Variants in ARID1B observed in about 807,000 individuals in gnomAD.
ARID1B encodes the protein AT-rich interactive domain-containing protein 1B.
A neutral mutation model predicts 212.3 loss-of-function variants in ARID1B; 30 were observed. The observed-to-expected ratio is 0.14, with a 90% CI of 0.11 to 0.19. The LOEUF (loss-of-function observed/expected upper bound fraction) is 0.19, where lower values mean the gene tolerates loss of function less well. ARID1B is among the 10% of genes least tolerant of loss of function. The probability of loss-of-function intolerance (pLI) is 1.00; values close to 1 mark genes in which losing one functional copy is unlikely to be tolerated. For synonymous variants in ARID1B, 1,402 were observed against 1,301.7 expected (o/e 1.08, Z -1.66); for missense variants, 2,891 against 3,204.0 (o/e 0.90, Z 2.36).
At chr6:157,057,385 T>TA (rs968180062) in intron 4 of ARID1B, among the ~76,000 whole-genome samples, 5 of 152,244 alleles carry the variant, frequency 3.3e-5, no homozygotes, top group South Asian at 2.1e-4. Context: ...CTTTATCTTT[T>TA]AAAAAAATCA....
intron 2 of ARID1B, among the ~76,000 whole-genome samples, chr6:156,862,991 C>A (rs947077175): frequency 1.8e-4 from 28 of 152,158 alleles, no homozygotes; most frequent in African/African-American, 6.8e-4. Flanking sequence ...GGAATATGGG[C>A]CTGCGCCTTA....
At chr6:156,886,447 T>C (rs1176027527) in intron 2 of ARID1B, among the ~76,000 whole-genome samples, 1 of 152,182 alleles carries the variant, frequency 6.6e-6, no homozygotes, top group Non-Finnish European at 1.5e-5. Context: ...TTCCCACCCC[T>C]GCTGGCTCTC....
rs73582000 is a variant in ARID1B, at chr6:157,068,740, A to G, written c.2248-15922A>G. On this transcript the variant is annotated intron_variant, in intron 4 of 19. Coordinates refer to ENST00000636930, the MANE Select transcript of ARID1B (RefSeq NM_001374828.1). ...TTAGAGAATGCATTTAACTAGAGACATACACCCTCTCACACACGTGCGTAC... is the reference window on the plus strand; with the variant it reads ...TTAGAGAATGCATTTAACTAGAGACGTACACCCTCTCACACACGTGCGTAC... Among the ~76,000 whole-genome samples, 1,247 of 152,334 alleles carry G rather than the reference A, an allele frequency of 8.2e-3. 26 individuals carry two copies. Among genetic ancestry groups the G allele is most frequent in the African/African-American group, 0.028 (1,149 of 41,570 alleles).
chr6:156,825,887 CATTTT>C (rs773139189), intron 1 of ARID1B, among the ~76,000 whole-genome samples: 9 of 152,294 alleles, frequency 5.9e-5, no homozygotes, highest in Non-Finnish European at 1.3e-4. Flanking sequence ...AAAATAATCA[CATTTT>C]ATTTTTATCA....
At chr6:157,040,371 T>C (rs1051710100) in intron 4 of ARID1B, among the ~76,000 whole-genome samples, 1 of 152,254 alleles carries the variant, frequency 6.6e-6, no homozygotes, top group Admixed American at 6.5e-5. Context: ...TGGTAACACA[T>C]GGCACCCTCT....
chr6:157,125,197 C>A (rs185581916), intron 6 of ARID1B, among the ~76,000 whole-genome samples: 1 of 152,114 alleles, frequency 6.6e-6, no homozygotes, highest in Non-Finnish European at 1.5e-5. Context: ...ATGCAGAAGG[C>A]GGTTCAGTGC....
At chr6:157,036,686 C>G (rs1456783234) in intron 4 of ARID1B, 1 of 370,042 alleles carries the variant, frequency 2.7e-6, no homozygotes, top group Admixed American at 3.2e-5. Context: ...AAGATACTCA[C>G]AGATCTCTCT....
chr6:157,022,048 T>C (rs1237500764), intron 4 of ARID1B, among the ~76,000 whole-genome samples: 1 of 152,114 alleles, frequency 6.6e-6, no homozygotes, highest in Non-Finnish European at 1.5e-5. Flanking sequence ...TTCGCGTAAT[T>C]AAAACGAGTG....
intron 7 of ARID1B, among the ~76,000 whole-genome samples, chr6:157,145,920 T>G (rs1789692521): frequency 6.6e-6 from 1 of 152,226 alleles, no homozygotes. Context: ...GGAACTGAGC[T>G]TAGCACATAG....
At chr6:157,065,255 G>A (rs1222992422) in intron 4 of ARID1B, among the ~76,000 whole-genome samples, 3 of 152,156 alleles carry the variant, frequency 2.0e-5, no homozygotes, top group Non-Finnish European at 4.4e-5. Context: ...GCTTTCAAAT[G>A]TGATACTACT....
chr6:156,979,054 A>G (rs1777443347), intron 4 of ARID1B, among the ~76,000 whole-genome samples: 1 of 152,198 alleles, frequency 6.6e-6, no homozygotes, highest in African/African-American at 2.4e-5. Context: ...GTTTCTGTAA[A>G]GTGAAGTATC....
At chr6:157,102,069 A>G (rs1786081251) in intron 5 of ARID1B, among the ~76,000 whole-genome samples, 1 of 152,148 alleles carries the variant, frequency 6.6e-6, no homozygotes, top group South Asian at 2.1e-4. Flanking sequence ...AAAGGGGTGA[A>G]TGGTTTGTTT....
At chr6:157,137,923 A>G (rs577594462) in intron 7 of ARID1B, among the ~76,000 whole-genome samples, 3 of 152,294 alleles carry the variant, frequency 2.0e-5, no homozygotes, top group South Asian at 2.1e-4. Context: ...CACTAAAATA[A>G]ATTAGATGCC....
chr6:157,067,192 G>A (rs1256380305), intron 4 of ARID1B, among the ~76,000 whole-genome samples: 1 of 152,204 alleles, frequency 6.6e-6, no homozygotes, highest in African/African-American at 2.4e-5. Context: ...AAGAAATTGA[G>A]GTCTCAGAGC....
rs189957970 is a variant in ARID1B at position 157,058,949 on chromosome 6, T to C, written c.2248-25713T>C. On this transcript the variant is annotated intron_variant, in intron 4 of 19. Coordinates refer to ENST00000636930, the MANE Select transcript of ARID1B (RefSeq NM_001374828.1). ...AGACAGGCAGGAATGAATAGGCAGA[T>C]CTAGCTGGGGCTGCGGATTTTGGTA... 2.6e-3 allele frequency among the ~76,000 whole-genome samples: 401 copies of C among 152,250 alleles called. 1 individual carries two copies. The highest frequency in any genetic ancestry group is 9.3e-3 in the African/African-American group (385 of 41,542).
intron 4 of ARID1B, among the ~76,000 whole-genome samples, chr6:157,039,044 A>G (rs1344967983): frequency 1.3e-5 from 2 of 151,904 alleles, no homozygotes; most frequent in Admixed American, 1.3e-4. Context: ...TGCCTGGCTA[A>G]TTTTTTATAA....
At chr6:157,038,813 A>G (rs1165087065) in intron 4 of ARID1B, among the ~76,000 whole-genome samples, 5 of 152,146 alleles carry the variant, frequency 3.3e-5, no homozygotes. Flanking sequence ...GTTATAGAAG[A>G]TTAGTGTAGC....
At chr6:156,831,580 T>C (rs1490145002) in intron 2 of ARID1B, among the ~76,000 whole-genome samples, 2 of 152,232 alleles carry the variant, frequency 1.3e-5, no homozygotes, top group African/African-American at 2.4e-5. Context: ...GAAATGTTTT[T>C]AATTATTTTC....
intron 4 of ARID1B, among the ~76,000 whole-genome samples, chr6:156,987,338 T>G (rs147069585): frequency 2.0e-5 from 3 of 152,116 alleles, no homozygotes; most frequent in South Asian, 4.2e-4. Flanking sequence ...GTGCTAGTTT[T>G]TTTTTTTTTT....
Sources: gnomAD v4.1 joint callset for allele counts (sites outside exome capture counted in the v4.1 genomes callset) on GRCh38, gnomAD v4.1.1 for gene constraint, MANE v1.5 for transcripts, NCBI Gene and HGNC (gene_info 2026-07-23, HGNC 2026-07-21) for gene names.